KLF13: variants seen among roughly 807,000 people sequenced by gnomAD.
The protein encoded by KLF13 is KLF transcription factor 13.
A neutral mutation model predicts 16.7 loss-of-function variants in KLF13; 8 were observed. That is an observed-to-expected ratio of 0.48 (90% CI 0.28 to 0.87). The LOEUF is 0.87. Ranked by LOEUF, KLF13 falls within the 40% of genes least tolerant of loss-of-function variation. The probability of loss-of-function intolerance (pLI) is 0.10; values close to 1 mark genes in which losing one functional copy is unlikely to be tolerated. For synonymous variants in KLF13, 245 were observed against 208.4 expected, an observed-to-expected ratio of 1.18 and a Z score of -1.51; for missense variants, 447 against 452.2, an observed-to-expected ratio of 0.99 and a Z score of 0.10.
At chr15:31,429,192 C>T (rs375586674) in intron 1 of KLF13, among the ~76,000 whole-genome samples, 39 of 129,674 alleles carry the variant, frequency 3.0e-4, no homozygotes, top group Admixed American at 9.1e-4. Flanking sequence ...GAAAGGACAG[C>T]GTTTTCAGTG....
intron 1 of KLF13, chr15:31,420,044 T>A (rs2040302915): frequency 9.9e-6 from 3 of 301,712 alleles, no homozygotes; most frequent in African/African-American, 7.3e-5. Flanking sequence ...ATATTCAAAG[T>A]GCTGGAAGAA....
intron 1 of KLF13, among the ~76,000 whole-genome samples, chr15:31,427,474 TC>T (rs1340658150): frequency 5.9e-5 from 9 of 152,076 alleles, no homozygotes; most frequent in Non-Finnish European, 1.0e-4. Flanking sequence ...GAGTATAGAT[TC>T]AAAATTGAAA....
At chr15:31,396,237 G>A (rs1057283022) in intron 2 of KLF13, among the ~76,000 whole-genome samples, 3 of 152,170 alleles carry the variant, frequency 2.0e-5, no homozygotes, top group South Asian at 2.1e-4. Flanking sequence ...TGGTCAGGTT[G>A]CTCTCAAACT....
intron 1 of KLF13, among the ~76,000 whole-genome samples, chr15:31,416,650 A>G (rs961977068): frequency 6.6e-6 from 1 of 152,216 alleles, no homozygotes; most frequent in African/African-American, 2.4e-5. Flanking sequence ...AAAGGCATTT[A>G]TAAAACACCC....
chr15:31,381,979 A>G (rs1379357718), downstream of KLF13, among the ~76,000 whole-genome samples: 3 of 152,172 alleles, frequency 2.0e-5, no homozygotes, highest in Non-Finnish European at 1.5e-5. Flanking sequence ...AGCTGTGGAA[A>G]GAAGTCTTTT....
intron 1 of KLF13, among the ~76,000 whole-genome samples, chr15:31,349,260 G>C (rs1397442721): frequency 6.6e-6 from 1 of 152,214 alleles, no homozygotes; most frequent in Non-Finnish European, 1.5e-5. Context: ...CCAGGACCCA[G>C]GGCAATGCTG....
intron 1 of KLF13, among the ~76,000 whole-genome samples, chr15:31,415,022 T>G (rs1387920888): frequency 6.6e-6 from 1 of 152,178 alleles, no homozygotes; most frequent in African/African-American, 2.4e-5. Context: ...TGAGTTCTTA[T>G]TCTATGAGTT....
At chr15:31,347,814 GC>G (rs2039148548) in intron 1 of KLF13, among the ~76,000 whole-genome samples, 1 of 152,252 alleles carries the variant, frequency 6.6e-6, no homozygotes. Flanking sequence ...CAGCATATAG[GC>G]TGCAGGGGTT....
rs1161762538 is a variant in KLF13 at position 31,413,187 on chromosome 15, C to CAAA, written n.117+19509_117+19511dup. On this transcript the variant is annotated intron_variant and non_coding_transcript_variant, in intron 1 of 1. Transcript: ENST00000558225. ...GAAGAACAGAGAGAAAATGAATAGA[C>CAAA]AAAAAAAAAAAAAAACAAAAAACAA... 9.1e-3 allele frequency among the ~76,000 whole-genome samples: 576 copies of CAAA among 63,168 alleles called. 27 individuals are homozygous for CAAA. The highest frequency in any genetic ancestry group is 0.012 in the Non-Finnish European group (334 of 27,258). 41.4% of individuals were successfully genotyped at this position (63,168 alleles called of 152,430 possible). A position where few individuals can be genotyped will look rare whatever the true frequency, so the allele number is the denominator to read the frequency against.
In KLF13 at chr15:31,413,187, C is replaced by CAAAAAAAAAAA. The variant is rs1161762538; in HGVS notation, n.117+19501_117+19511dup. 3.7e-3 allele frequency among the ~76,000 whole-genome samples: 234 copies of CAAAAAAAAAAA among 63,238 alleles called. 5 individuals are homozygous for CAAAAAAAAAAA. The highest frequency in any genetic ancestry group is 0.013 in the Middle Eastern group (1 of 78). 41.5% of individuals were successfully genotyped at this position (63,238 alleles called of 152,430 possible). ...GAAGAACAGAGAGAAAATGAATAGA[C>CAAAAAAAAAAA]AAAAAAAAAAAAAAACAAAAAACAA... On this transcript the variant is annotated intron_variant and non_coding_transcript_variant, in intron 1 of 1. Coordinates refer to the KLF13 transcript ENST00000558225.
chr15:31,371,239 G>A (rs4779519), intron 1 of KLF13, among the ~76,000 whole-genome samples: 35,568 of 152,118 alleles, frequency 0.23, 5,099 homozygotes, highest in East Asian at 0.37. Context: ...TGGGAAGGAG[G>A]GAGCAGCATC....
At chr15:31,336,087 C>CT (rs2038925832) in intron 1 of KLF13, among the ~76,000 whole-genome samples, 1 of 152,240 alleles carries the variant, frequency 6.6e-6, no homozygotes, top group Non-Finnish European at 1.5e-5. Context: ...CTCCCCCGAC[C>CT]CCAGCGTACA....
At chr15:31,408,963 GA>G (rs1243619879), downstream of KLF13, among the ~76,000 whole-genome samples, 1 of 152,102 alleles carries the variant, frequency 6.6e-6, no homozygotes, top group East Asian at 1.9e-4. Context: ...TAAGTCAATA[GA>G]AAAACAAAGA....
At chr15:31,341,292 A>T (rs1445560665) in intron 1 of KLF13, among the ~76,000 whole-genome samples, 1 of 152,036 alleles carries the variant, frequency 6.6e-6, no homozygotes, top group East Asian at 1.9e-4. Context: ...CTAGGAGCAG[A>T]GGGGTAGAAT....
At chr15:31,330,008 T>G (rs1260101140) in intron 1 of KLF13, among the ~76,000 whole-genome samples, 1 of 152,140 alleles carries the variant, frequency 6.6e-6, no homozygotes, top group African/African-American at 2.4e-5. Flanking sequence ...AACCTGCCTC[T>G]GGAGGGAGTC....
At chr15:31,368,886 A>G (rs1426780740) in intron 1 of KLF13, among the ~76,000 whole-genome samples, 1 of 152,186 alleles carries the variant, frequency 6.6e-6, no homozygotes. Flanking sequence ...GGAGCTTGCA[A>G]CAAAAAAAAT....
chr15:31,380,395 CTGCT>C (rs2039709276), downstream of KLF13, among the ~76,000 whole-genome samples: 1 of 152,236 alleles, frequency 6.6e-6, no homozygotes, highest in African/African-American at 2.4e-5. Flanking sequence ...GGCTGAAACA[CTGCT>C]TGCCAGGAAT....
At chr15:31,404,750 C>G (rs747009799), downstream of KLF13, 3 of 152,282 alleles carry the variant, frequency 2.0e-5, no homozygotes, top group African/African-American at 7.2e-5. Flanking sequence ...TCCGTGCCAC[C>G]TTTAAGAGCT....
At chr15:31,332,827 A>C (rs1167826756) in intron 1 of KLF13, among the ~76,000 whole-genome samples, 5 of 152,220 alleles carry the variant, frequency 3.3e-5, no homozygotes, top group Non-Finnish European at 7.3e-5. Flanking sequence ...TGCATGTGTA[A>C]GTGTGTGTGT....
Sources: allele counts gnomAD v4.1 joint callset (sites outside exome capture counted in the v4.1 genomes callset), GRCh38; gene constraint gnomAD v4.1.1; transcripts MANE v1.5; gene names NCBI Gene and HGNC (gene_info 2026-07-23, HGNC 2026-07-21).